The following PUDP variants were observed in gnomAD, a reference collection of about 807,000 sequenced individuals.
The protein encoded by PUDP is pseudouridine 5'-phosphatase.
A neutral mutation model predicts 9.4 loss-of-function variants in PUDP; 8 were observed. The ratio of observed to expected loss-of-function variants is 0.85; its 90% confidence interval spans 0.50 to 1.53. The LOEUF is 1.53. Among genes scored for constraint, PUDP ranks in the 40% most tolerant of loss-of-function variants. The probability of loss-of-function intolerance (pLI) is 0.00; values close to 1 mark genes in which losing one functional copy is unlikely to be tolerated. For missense variants in PUDP, 188 were observed against 189.7 expected, an observed-to-expected ratio of 0.99 and a Z score of 0.05; for synonymous variants, 99 against 80.7, an observed-to-expected ratio of 1.23 and a Z score of -1.22.
chrX:6,841,226 G>A (rs773964747), intron 3 of PUDP, among the ~76,000 whole-genome samples: 5 of 108,332 alleles, frequency 4.6e-5, no homozygotes, highest in Non-Finnish European at 7.6e-5. Context: ...GCAGTGAGCC[G>A]AGATTGCGCC....
intron 3 of PUDP, among the ~76,000 whole-genome samples, chrX:6,741,144 G>A (rs1924931120): frequency 9.8e-6 from 1 of 102,317 alleles, no homozygotes; most frequent in Non-Finnish European, 2.0e-5. Flanking sequence ...GGGCGACAGA[G>A]TTAAGACTCC....
At chrX:6,950,410 T>C (rs5934680) in intron 3 of PUDP, among the ~76,000 whole-genome samples, 829 of 53,116 alleles carry the variant, frequency 0.016, 7 homozygotes, top group Non-Finnish European at 0.028. Context: ...TCATTTCTTT[T>C]TTTTTTTTTT....
At chrX:6,803,490 A>G (rs1281221562) in intron 3 of PUDP, among the ~76,000 whole-genome samples, 1 of 112,418 alleles carries the variant, frequency 8.9e-6, no homozygotes. Flanking sequence ...CCCCATCACC[A>G]CTTCTAAAAC....
chrX:6,914,803 T>G (rs1927904297), intron 3 of PUDP, among the ~76,000 whole-genome samples: 1 of 112,708 alleles, frequency 8.9e-6, no homozygotes, highest in African/African-American at 3.2e-5. Context: ...AGGTACTAAA[T>G]GAAATAGAGC....
At chrX:6,876,848 T>C (rs1361332647) in intron 3 of PUDP, among the ~76,000 whole-genome samples, 1 of 110,777 alleles carries the variant, frequency 9.0e-6, no homozygotes, top group Admixed American at 9.6e-5. Flanking sequence ...TATATACATA[T>C]AGACATATGT....
At chrX:7,128,354 T>A (rs1319083066) in intron 1 of PUDP, among the ~76,000 whole-genome samples, 8 of 112,227 alleles carry the variant, frequency 7.1e-5, no homozygotes, top group African/African-American at 2.6e-4. Context: ...CATTTACTAA[T>A]TTATAAGCAG....
At chrX:6,758,850 A>T (rs1333504244) in intron 3 of PUDP, among the ~76,000 whole-genome samples, 1 of 111,732 alleles carries the variant, frequency 8.9e-6, no homozygotes, top group Admixed American at 9.6e-5. Flanking sequence ...GATGAAATGC[A>T]GAATCCAGCC....
At chrX:6,733,729 G>A (rs1432632208) in intron 3 of PUDP, among the ~76,000 whole-genome samples, 1 of 105,989 alleles carries the variant, frequency 9.4e-6, no homozygotes, top group East Asian at 3.0e-4. Context: ...GATGAGAAGC[G>A]GGATCCACAG....
At chrX:6,724,102 C>T (rs1299935124), upstream of PUDP, among the ~76,000 whole-genome samples, 1 of 111,141 alleles carries the variant, frequency 9.0e-6, no homozygotes, top group Non-Finnish European at 1.9e-5. Flanking sequence ...ATTTTATTTC[C>T]GTTAAACGGC....
At chrX:6,893,034 T>G (rs1346183317) in intron 3 of PUDP, among the ~76,000 whole-genome samples, 1 of 112,145 alleles carries the variant, frequency 8.9e-6, no homozygotes, top group Non-Finnish European at 1.9e-5. Flanking sequence ...TGCTATGTCA[T>G]TGGGGAAAAA....
chrX:7,080,875 C>G (rs1208201701), intron 2 of PUDP, among the ~76,000 whole-genome samples: 2 of 103,683 alleles, frequency 1.9e-5, no homozygotes, highest in East Asian at 6.0e-4. Flanking sequence ...GCCGACATAG[C>G]GCCACTGCAC....
intron 1 of PUDP, among the ~76,000 whole-genome samples, chrX:7,011,954 T>C (rs764541002): frequency 3.5e-5 from 4 of 112,798 alleles, no homozygotes; most frequent in South Asian, 7.2e-4. Context: ...ATTGAGATCA[T>C]TTATGTTTTG....
intron 1 of PUDP, among the ~76,000 whole-genome samples, chrX:7,027,331 C>A (rs779373729): frequency 1.8e-5 from 2 of 110,839 alleles, no homozygotes; most frequent in East Asian, 2.8e-4. Context: ...CTGCTAACAA[C>A]CGAATAAGTA....
At chrX:6,950,953 T>G (rs2069336324) in intron 3 of PUDP, among the ~76,000 whole-genome samples, 1 of 52,379 alleles carries the variant, frequency 1.9e-5, no homozygotes, top group Admixed American at 2.0e-4. Context: ...TGGTTGTGTG[T>G]TTTTTTTTTT....
intron 3 of PUDP, among the ~76,000 whole-genome samples, chrX:6,738,256 C>A (rs1201100741): frequency 8.9e-6 from 1 of 111,893 alleles, no homozygotes; most frequent in Non-Finnish European, 1.9e-5. Context: ...AATTCTACAG[C>A]TTACAAAACC....
intron 3 of PUDP, among the ~76,000 whole-genome samples, chrX:6,809,121 C>T (rs1926099865): frequency 9.0e-6 from 1 of 111,267 alleles, no homozygotes; most frequent in Admixed American, 9.6e-5. Flanking sequence ...CTTCCCTACT[C>T]TCAAGCTGAA....
intron 3 of PUDP, among the ~76,000 whole-genome samples, chrX:6,932,779 T>C (rs1410400022): frequency 9.0e-6 from 1 of 111,660 alleles, no homozygotes; most frequent in African/African-American, 3.3e-5. Flanking sequence ...TACTGCGCTT[T>C]TCAGACGGGC....
At chrX:7,050,762 T>G (rs1478949179) in intron 3 of PUDP, among the ~76,000 whole-genome samples, 1 of 112,461 alleles carries the variant, frequency 8.9e-6, no homozygotes, top group Non-Finnish European at 1.9e-5. Flanking sequence ...CTTAAAACTT[T>G]ATTATTTTAT....
At chrX:6,802,238 C>T (rs1384571040) in intron 3 of PUDP, among the ~76,000 whole-genome samples, 1 of 111,341 alleles carries the variant, frequency 9.0e-6, no homozygotes. Context: ...AAAACTGAGG[C>T]TCGAAGAGGA....
Sources: gnomAD v4.1 joint callset for allele counts (sites outside exome capture counted in the v4.1 genomes callset) on GRCh38, gnomAD v4.1.1 for gene constraint, MANE v1.5 for transcripts, NCBI Gene and HGNC (gene_info 2026-07-23, HGNC 2026-07-21) for gene names.